ARPC5L: variants seen among roughly 807,000 people sequenced by gnomAD.
ARPC5L encodes the protein actin-related protein 2/3 complex subunit 5-like protein.
In ARPC5L, 4 loss-of-function variants were observed where a neutral mutation model predicts 16.9. That is an observed-to-expected ratio of 0.24 (90% CI 0.12 to 0.54). ARPC5L has a LOEUF of 0.54. ARPC5L is among the 20% of genes least tolerant of loss of function. ARPC5L has a pLI of 0.95. For missense variants in ARPC5L, 151 were observed against 201.9 expected (o/e 0.75, Z 1.53); for synonymous variants, 78 against 82.6 (o/e 0.94, Z 0.30).
At chr9:124,863,472 T>A (rs1829232277) in intron 1 of ARPC5L, among the ~76,000 whole-genome samples, 1 of 152,214 alleles carries the variant, frequency 6.6e-6, no homozygotes, top group African/African-American at 2.4e-5. Flanking sequence ...AAAGTGAACC[T>A]GACCAGGTTT....
At chr9:124,871,161 G>A (rs1317950015) in intron 3 of ARPC5L, among the ~76,000 whole-genome samples, 1 of 152,170 alleles carries the variant, frequency 6.6e-6, no homozygotes, top group Non-Finnish European at 1.5e-5. Context: ...AGATGGATTG[G>A]GGTTGGGGAG....
Position 124,869,276 on chromosome 9 carries a change from C to T in ARPC5L, c.-15C>T. Reference sequence around the variant, plus strand: ...CCGCGAGCGGAGCCGGCTGAGCGGGCGCCGAGCTCCCGCCATGGCCCGGAA... The same window carrying T: ...CCGCGAGCGGAGCCGGCTGAGCGGGTGCCGAGCTCCCGCCATGGCCCGGAA... On this transcript the variant is annotated 5_prime_UTR_variant, in exon 3 of 6. Coordinates refer to ENST00000353214, the MANE Select transcript of ARPC5L (RefSeq NM_030978.3). The T allele has an allele frequency of 4.6e-6, 7 of 1,513,112 alleles. No homozygotes were observed. The highest frequency in any genetic ancestry group is 6.2e-6 in the Non-Finnish European group (7 of 1,131,382). The allele number at this position is 1,513,112 out of a possible 1,614,324, so 93.7% of individuals were successfully genotyped here. A position where few individuals can be genotyped will look rare whatever the true frequency, so the allele number is the denominator to read the frequency against.
chr9:124,872,900 C>T (rs1327705750), intron 3 of ARPC5L: 1 of 152,270 alleles, frequency 6.6e-6, no homozygotes, highest in Non-Finnish European at 1.5e-5. Flanking sequence ...GAGTAGAGAC[C>T]CGATTGGGCA....
intron 5 of ARPC5L, among the ~76,000 whole-genome samples, chr9:124,876,225 G>A (rs1184017407): frequency 1.3e-5 from 2 of 152,118 alleles, no homozygotes; most frequent in South Asian, 2.1e-4. Flanking sequence ...GTGGGCTCAC[G>A]CCTGTAATCC....
chr9:124,870,458 G>C (rs1829339705), intron 3 of ARPC5L, among the ~76,000 whole-genome samples: 1 of 152,154 alleles, frequency 6.6e-6, no homozygotes, highest in Non-Finnish European at 1.5e-5. Flanking sequence ...CATAAATCAG[G>C]TTCTCGGTGT....
intron 3 of ARPC5L, among the ~76,000 whole-genome samples, chr9:124,870,479 G>T (rs1319311523): frequency 2.6e-5 from 4 of 152,158 alleles, no homozygotes; most frequent in African/African-American, 4.8e-5. Flanking sequence ...TGAACCAGTT[G>T]ACTCAGCTTG....
chr9:124,862,934 G>T (rs1234268122), intron 1 of ARPC5L, among the ~76,000 whole-genome samples: 1 of 151,078 alleles, frequency 6.6e-6, no homozygotes, highest in Non-Finnish European at 1.5e-5. Context: ...CAAAACCTCC[G>T]CTTCCCGGGT....
In ARPC5L at chr9:124,877,515, G is replaced by GTAGAC. The variant is rs1427197380; in HGVS notation, c.*576_*580dup. The GTAGAC allele has an allele frequency of 6.5e-6, 1 of 152,910 alleles. No homozygotes were observed. Among genetic ancestry groups the GTAGAC allele is most frequent in the African/African-American group, 2.4e-5 (1 of 41,482 alleles). 9.5% of individuals were successfully genotyped at this position (152,910 alleles called of 1,614,324 possible). A position where few individuals can be genotyped will look rare whatever the true frequency, so the allele number is the denominator to read the frequency against. On this transcript the variant is annotated 3_prime_UTR_variant, in exon 6 of 6. Coordinates refer to ENST00000353214, the MANE Select transcript of ARPC5L (RefSeq NM_030978.3). ...GTTCCGGAAACCCGATGTGGAAGGA[G>GTAGAC]TAGACCTGTGTCCCTGTTGAGCCAC...
intron 2 of ARPC5L, among the ~76,000 whole-genome samples, chr9:124,866,999 T>C (rs939806085): frequency 1.8e-4 from 28 of 152,122 alleles, no homozygotes; most frequent in African/African-American, 5.8e-4. Context: ...AGCCCTACTC[T>C]CCTCCCAACC....
chr9:124,873,659 G>A, intron 3 of ARPC5L, 33 bp from the exon 4 acceptor site: 1 of 1,613,368 alleles, frequency 6.2e-7, no homozygotes, highest in South Asian at 1.1e-5. Flanking sequence ...GGATGTGCTT[G>A]AGCCTAGCTA....
In ARPC5L at chr9:124,869,245, G is replaced by A. The variant is rs1339284756; in HGVS notation, c.-46G>A. On this transcript the variant is annotated 5_prime_UTR_variant, in exon 3 of 6. Transcript: ENST00000353214. ...CCGGTGCGAGCGGAGCAGAGCCGAG[G>A]TCGGGCCGCGAGCGGAGCCGGCTGA... The A allele has an allele frequency of 6.8e-7, 1 of 1,481,272 alleles. No homozygotes were observed. Among genetic ancestry groups the A allele is most frequent in the African/African-American group, 1.5e-5 (1 of 67,896 alleles). The allele number at this position is 1,481,272 out of a possible 1,614,324, so 91.8% of individuals were successfully genotyped here. A position where few individuals can be genotyped will look rare whatever the true frequency, so the allele number is the denominator to read the frequency against.
intron 5 of ARPC5L, among the ~76,000 whole-genome samples, chr9:124,875,486 T>C (rs1012008376): frequency 1.3e-5 from 2 of 152,074 alleles, no homozygotes; most frequent in African/African-American, 2.4e-5. Flanking sequence ...TGCTGGTTGG[T>C]TGGGGCTTCA....
chr9:124,866,288 C>T (rs1277957009), intron 2 of ARPC5L, among the ~76,000 whole-genome samples: 3 of 151,664 alleles, frequency 2.0e-5, no homozygotes, highest in African/African-American at 4.9e-5. Flanking sequence ...CCGGTAATCC[C>T]AGCTACTCCA....
chr9:124,863,052 C>CTCCTGGG, intron 1 of ARPC5L, among the ~76,000 whole-genome samples: 1 of 152,130 alleles, frequency 6.6e-6, no homozygotes, highest in Non-Finnish European at 1.5e-5. Context: ...CCAGGGTGGT[C>CTCCTGGG]TCCTGGGCTC....
At chr9:124,863,922 G>T (rs1829237290) in intron 1 of ARPC5L, 66 bp from the exon 2 acceptor site, 2 of 152,222 alleles carry the variant, frequency 1.3e-5, no homozygotes, top group African/African-American at 4.8e-5. Flanking sequence ...CAACCTCTGT[G>T]CAATCCTTTC....
intron 3 of ARPC5L, among the ~76,000 whole-genome samples, chr9:124,869,902 GC>G (rs1248305476): frequency 6.6e-6 from 1 of 152,256 alleles, no homozygotes; most frequent in Non-Finnish European, 1.5e-5. Flanking sequence ...GTCCTCCGGG[GC>G]CCGATTGCTG....
chr9:124,865,820 A>C (rs1829262904), intron 2 of ARPC5L, among the ~76,000 whole-genome samples: 1 of 146,266 alleles, frequency 6.8e-6, no homozygotes, highest in Non-Finnish European at 1.5e-5. Context: ...AAAAAACAAA[A>C]TTGGGACTGG....
At chr9:124,865,749 C>G (rs537250908) in intron 2 of ARPC5L, among the ~76,000 whole-genome samples, 1 of 150,842 alleles carries the variant, frequency 6.6e-6, no homozygotes, top group African/African-American at 2.4e-5. Flanking sequence ...GCCAAGATTG[C>G]GCCACTTCAC....
intron 2 of ARPC5L, among the ~76,000 whole-genome samples, 186 bp downstream of exon 2, chr9:124,864,293 C>T (rs561362007): frequency 6.6e-5 from 10 of 152,020 alleles, no homozygotes; most frequent in Admixed American, 3.3e-4. Context: ...TCAAGCGATC[C>T]TTGTGCCTCA....
Sources: allele counts gnomAD v4.1 joint callset (sites outside exome capture counted in the v4.1 genomes callset), GRCh38; gene constraint gnomAD v4.1.1; transcripts MANE v1.5; gene names NCBI Gene and HGNC (gene_info 2026-07-23, HGNC 2026-07-21).